The following NLGN1 variants were observed in gnomAD, a reference collection of about 807,000 sequenced individuals.
NLGN1 encodes the protein neuroligin 1.
A neutral mutation model predicts 65.5 loss-of-function variants in NLGN1; 12 were observed. That is an observed-to-expected ratio of 0.18 (90% CI 0.12 to 0.30). The LOEUF is 0.30. Among genes scored for constraint, NLGN1 ranks in the 10% least tolerant of loss-of-function variants. The pLI, the probability that NLGN1 is intolerant of heterozygous loss-of-function variation, is 1.00. For synonymous variants in NLGN1, 350 were observed against 359.5 expected (o/e 0.97, Z 0.30); for missense variants, 750 against 1,007.1 (o/e 0.74, Z 3.46).
intron 3 of NLGN1, among the ~76,000 whole-genome samples, chr3:173,624,132 G>A (rs1312215559): frequency 2.0e-5 from 3 of 152,064 alleles, no homozygotes; most frequent in African/African-American, 4.8e-5. Flanking sequence ...TTCTGTTGCC[G>A]TGTATTTGAG....
intron 3 of NLGN1, among the ~76,000 whole-genome samples, chr3:173,752,233 G>A (rs1776405790): frequency 1.3e-5 from 2 of 152,054 alleles, no homozygotes; most frequent in Non-Finnish European, 2.9e-5. Flanking sequence ...TAAAAATATA[G>A]ATTTGTATTC....
chr3:173,473,810 G>A (rs1244256912), intron 2 of NLGN1, among the ~76,000 whole-genome samples: 1 of 152,170 alleles, frequency 6.6e-6, no homozygotes, highest in Admixed American at 6.5e-5. Flanking sequence ...CTGGTCAGGA[G>A]GACAAGCCTT....
intron 3 of NLGN1, among the ~76,000 whole-genome samples, chr3:173,617,562 A>G (rs1386123159): frequency 6.6e-6 from 1 of 152,172 alleles, no homozygotes; most frequent in Non-Finnish European, 1.5e-5. Context: ...AGTGCTCCCC[A>G]AATGAAGTAA....
At chr3:173,702,047 G>A (rs897123168) in intron 3 of NLGN1, among the ~76,000 whole-genome samples, 1 of 151,904 alleles carries the variant, frequency 6.6e-6, no homozygotes, top group Non-Finnish European at 1.5e-5. Flanking sequence ...AGACCATCCC[G>A]GCTAAAACGG....
intron 4 of NLGN1, among the ~76,000 whole-genome samples, chr3:174,255,050 T>C (rs752670115): frequency 1.4e-4 from 21 of 152,170 alleles, no homozygotes; most frequent in Non-Finnish European, 2.8e-4. Context: ...CAACTCAGTG[T>C]TGGTACACAG....
intron 4 of NLGN1, among the ~76,000 whole-genome samples, chr3:174,274,974 A>T (rs1264882649): frequency 6.6e-6 from 1 of 151,804 alleles, no homozygotes; most frequent in Non-Finnish European, 1.5e-5. Context: ...CGTTCACATG[A>T]ACCCTATGAT....
intron 4 of NLGN1, among the ~76,000 whole-genome samples, chr3:173,891,321 CAT>C (rs1302436017): frequency 6.6e-6 from 1 of 152,112 alleles, no homozygotes; most frequent in East Asian, 1.9e-4. Flanking sequence ...GGCTGATAAT[CAT>C]ATCCCCTTAG....
At chr3:173,648,292 A>G (rs916220994) in intron 3 of NLGN1, among the ~76,000 whole-genome samples, 1 of 152,232 alleles carries the variant, frequency 6.6e-6, no homozygotes. Context: ...CAAAATCTCT[A>G]AACACAATAA....
At chr3:173,472,521 T>C (rs1204056231) in intron 2 of NLGN1, among the ~76,000 whole-genome samples, 5 of 152,062 alleles carry the variant, frequency 3.3e-5, no homozygotes, top group African/African-American at 9.7e-5. Flanking sequence ...GTTTCACTTA[T>C]CAAATTGTAT....
chr3:173,776,888 GAACA>G (rs1780374927), intron 3 of NLGN1, among the ~76,000 whole-genome samples: 2 of 151,862 alleles, frequency 1.3e-5, no homozygotes, highest in Non-Finnish European at 1.5e-5. Flanking sequence ...AAAGTCAACT[GAACA>G]CACATATCAA....
chr3:174,062,726 G>C (rs1163005064), intron 4 of NLGN1, among the ~76,000 whole-genome samples: 1 of 151,734 alleles, frequency 6.6e-6, no homozygotes, highest in African/African-American at 2.4e-5. Flanking sequence ...TGTTGAAATT[G>C]CTATCTTTGT....
chr3:174,060,070 C>T (rs550975809), intron 4 of NLGN1, among the ~76,000 whole-genome samples: 1 of 152,194 alleles, frequency 6.6e-6, no homozygotes, highest in East Asian at 1.9e-4. Flanking sequence ...ATCATGGCAC[C>T]ACCAATGTGA....
chr3:173,686,901 C>T (rs902960819), intron 3 of NLGN1, among the ~76,000 whole-genome samples: 5 of 151,712 alleles, frequency 3.3e-5, no homozygotes, highest in Admixed American at 1.3e-4. Context: ...TGCAGTGAGC[C>T]GAGATCACGC....
At chr3:174,216,901 T>C (rs890345510) in intron 4 of NLGN1, among the ~76,000 whole-genome samples, 2 of 152,100 alleles carry the variant, frequency 1.3e-5, no homozygotes, top group Non-Finnish European at 2.9e-5. Context: ...GAAGGCCTTA[T>C]TATAATAAAC....
At chr3:174,048,098 T>C (rs951789324) in intron 4 of NLGN1, among the ~76,000 whole-genome samples, 7 of 152,094 alleles carry the variant, frequency 4.6e-5, no homozygotes, top group African/African-American at 1.7e-4. Context: ...AAGGAGAGAA[T>C]TGTTTTCTAT....
intron 4 of NLGN1, among the ~76,000 whole-genome samples, chr3:174,232,304 G>A (rs565141911): frequency 5.3e-5 from 8 of 152,272 alleles, no homozygotes; most frequent in African/African-American, 1.7e-4. Flanking sequence ...AATGTCATCA[G>A]TGAAGGCAGG....
chr3:173,411,097 G>A (rs1398332482), intron 1 of NLGN1, among the ~76,000 whole-genome samples: 1 of 152,212 alleles, frequency 6.6e-6, no homozygotes, highest in Non-Finnish European at 1.5e-5. Context: ...GCTGGTGGTG[G>A]AGGCTGTGCT....
At chr3:173,793,981 A>G (rs1020407900) in intron 3 of NLGN1, among the ~76,000 whole-genome samples, 6 of 151,942 alleles carry the variant, frequency 3.9e-5, no homozygotes, top group African/African-American at 7.3e-5. Context: ...CTTTGTCCTC[A>G]TCACCCACGA....
intron 3 of NLGN1, among the ~76,000 whole-genome samples, chr3:173,665,279 C>G (rs116301382): frequency 0.018 from 2,748 of 152,160 alleles, 92 homozygotes; most frequent in African/African-American, 0.062. Flanking sequence ...GGGGACTTTT[C>G]TCCCCTGTGT....
Sources: gnomAD v4.1 joint callset for allele counts (sites outside exome capture counted in the v4.1 genomes callset) on GRCh38, gnomAD v4.1.1 for gene constraint, MANE v1.5 for transcripts, NCBI Gene and HGNC (gene_info 2026-07-23, HGNC 2026-07-21) for gene names.